Variants in BOK observed in about 807,000 individuals in gnomAD.
BOK encodes the protein BCL2 family apoptosis regulator BOK, also known as bcl-2-related ovarian killer protein.
In BOK, 20 loss-of-function variants were observed where a neutral mutation model predicts 18.3. The ratio of observed to expected loss-of-function variants is 1.09; its 90% CI spans 0.77 to 1.59. BOK has a LOEUF of 1.59. Ranked by LOEUF, BOK falls within the 40% of genes most tolerant of loss-of-function variation. The probability of loss-of-function intolerance (pLI) is 0.00; values close to 1 mark genes in which losing one functional copy is unlikely to be tolerated. For missense variants in BOK, 348 were observed against 307.9 expected, an observed-to-expected ratio of 1.13 and a Z score of -0.97; for synonymous variants, 173 against 142.4, an observed-to-expected ratio of 1.21 and a Z score of -1.53.
intron 1 of BOK, among the ~76,000 whole-genome samples, chr2:241,552,720 T>G (rs1286762964): frequency 6.6e-6 from 1 of 152,222 alleles, no homozygotes. Context: ...TGACAAGCTC[T>G]TCCTCAACGG....
intron 3 of BOK, 48 bp from the exon 4 acceptor site, chr2:241,570,077 C>G: frequency 6.3e-7 from 1 of 1,580,280 alleles, no homozygotes; most frequent in Non-Finnish European, 8.6e-7. Flanking sequence ...TTAAGTGCTC[C>G]CGTGGGCGGG....
rs536474018 is a variant in BOK, at chr2:241,561,174, C to T, written c.221-1174C>T. ...TCAGCTGGGATGGTCCGGTCAGCAG[C>T]ATTACCCTGTTTGCTTTGGCTGGAG... On this transcript the variant is annotated intron_variant, in intron 2 of 4. Transcript: ENST00000318407. Among the ~76,000 whole-genome samples, 20 of 152,316 alleles carry T rather than the reference C, an allele frequency of 1.3e-4. No homozygotes were observed. The East Asian group carries it at 3.3e-3, about 25-fold the overall frequency.
At chr2:241,552,472 G>A (rs2066421561) in intron 1 of BOK, among the ~76,000 whole-genome samples, 1 of 152,102 alleles carries the variant, frequency 6.6e-6, no homozygotes, top group Non-Finnish European at 1.5e-5. Context: ...TGCACATACT[G>A]ACAGCTCAGT....
intron 3 of BOK, among the ~76,000 whole-genome samples, chr2:241,565,156 C>T (rs1320312677): frequency 1.3e-5 from 2 of 152,114 alleles, no homozygotes; most frequent in Non-Finnish European, 2.9e-5. Flanking sequence ...ACTGGAAAAC[C>T]GGAGCCCACT....
intron 3 of BOK, among the ~76,000 whole-genome samples, chr2:241,569,509 G>A (rs7369408): frequency 0.2 from 30,649 of 152,176 alleles, 3,289 homozygotes; most frequent in Admixed American, 0.26. Context: ...AACATTTTTC[G>A]TGTCTCTTAT....
At chr2:241,552,408 G>T (rs775210637) in intron 1 of BOK, among the ~76,000 whole-genome samples, 5 of 152,098 alleles carry the variant, frequency 3.3e-5, no homozygotes, top group Non-Finnish European at 7.4e-5. Flanking sequence ...GCCTCTCCAC[G>T]CCGCGCCATG....
rs62191733 is a variant in BOK at position 241,562,013 on chromosome 2, C to T, written c.221-335C>T. On this transcript the variant is annotated intron_variant, in intron 2 of 4. Coordinates refer to ENST00000318407, the MANE Select transcript of BOK (RefSeq NM_032515.5). This position sits in a 1 kb window ranked among gnomAD's most constrained non-coding sequence, Gnocchi z 4.5. The stretch of plus-strand genomic sequence containing the variant: ...TGCTCTGGGCAGCTCGGCTGCCTGT[C>T]GGCTGTGAGTCACCAGCAGGCACGG... Among the ~76,000 whole-genome samples the T allele has an allele frequency of 6.5e-3, 986 of 152,346 alleles. 4 individuals carry two copies. The highest frequency in any genetic ancestry group is 0.011 in the Non-Finnish European group (764 of 68,028).
At chr2:241,567,890 GGAGGTC>G (rs2066640568) in intron 3 of BOK, among the ~76,000 whole-genome samples, 3 of 77,428 alleles carry the variant, frequency 3.9e-5, no homozygotes, top group Admixed American at 1.3e-4. Flanking sequence ...ACTAGTCTCA[GGAGGTC>G]TTTATCACCC....
intron 1 of BOK, among the ~76,000 whole-genome samples, chr2:241,552,392 C>G (rs1482185693): frequency 2.0e-5 from 3 of 152,202 alleles, no homozygotes; most frequent in African/African-American, 7.2e-5. Context: ...CCACCCAGTC[C>G]CTCTGGCCTC....
At chr2:241,558,139 T>C (rs2066469572), upstream of BOK, among the ~76,000 whole-genome samples, 1 of 151,544 alleles carries the variant, frequency 6.6e-6, no homozygotes, top group South Asian at 2.1e-4. Context: ...AAAAAAATGA[T>C]GCTTTTCAAT....
intron 3 of BOK, among the ~76,000 whole-genome samples, chr2:241,565,443 C>T (rs1408292993): frequency 6.6e-6 from 1 of 152,176 alleles, no homozygotes; most frequent in Non-Finnish European, 1.5e-5. Context: ...CCCCCTTCAC[C>T]TTTGTCCATC....
At chr2:241,552,957 C>G (rs2066424571) in intron 1 of BOK, among the ~76,000 whole-genome samples, 2 of 152,208 alleles carry the variant, frequency 1.3e-5, no homozygotes, top group South Asian at 4.1e-4. Flanking sequence ...CCACACAACC[C>G]TCTGCCTGGT....
chr2:241,571,583 G>T (rs2125056824), intron 4 of BOK, among the ~76,000 whole-genome samples: 1 of 152,316 alleles, frequency 6.6e-6, no homozygotes, highest in South Asian at 2.1e-4. Flanking sequence ...CCTCAGCACA[G>T]AAACCCCAAG....
chr2:241,560,151 G>A, intron 2 of BOK: 1 of 985,438 alleles, frequency 1.0e-6, no homozygotes, highest in South Asian at 4.7e-5. Context: ...TGGAAACTGC[G>A]CCCACCGGGC....
Position 241,559,532 on chromosome 2 carries a change from G to A in BOK, c.49G>A (p.Ala17Thr), listed in dbSNP as rs867110143. 6.6e-6 allele frequency: 10 copies of A among 1,517,586 alleles called. No homozygotes were observed. Among genetic ancestry groups the A allele is most frequent in the African/African-American group, 1.4e-5 (1 of 69,938 alleles). The allele number at this position is 1,517,586 out of a possible 1,614,324, so 94.0% of individuals were successfully genotyped here. Residue 17 changes from alanine (A) to threonine (T), a missense_variant, in exon 2 of 5, where the codon GCC (alanine) becomes ACC (threonine). Physicochemically the swap from Ala to Thr is moderately conservative, Grantham distance 58. Transcript: ENST00000318407. ...GGTCTTCGCCGCCGAGATCATGGAC[G>A]CCTTTGACCGCTCGCCCACAGACAA... is the stretch of plus-strand genomic sequence containing the variant. Reference protein sequence around the residue: ...SSVFAAEIMDAFDRSPTDKEL... With the variant: ...SSVFAAEIMDTFDRSPTDKEL...
chr2:241,571,817 C>T (rs144968287), intron 4 of BOK, among the ~76,000 whole-genome samples: 126 of 152,392 alleles, frequency 8.3e-4, no homozygotes, highest in African/African-American at 2.9e-3. Context: ...CTTCCGGAAA[C>T]GCAGTCCCTG....
intron 3 of BOK, 77 bp from the exon 4 acceptor site, chr2:241,570,046 CAG>C (rs763663822): frequency 1.7e-4 from 251 of 1,491,338 alleles, no homozygotes; most frequent in Middle Eastern, 4.1e-4. Flanking sequence ...GACAGCGGCT[CAG>C]AGAGGCCCAG....
chr2:241,562,551 C>A lies in BOK; in HGVS notation c.349+75C>A. 6.7e-7 allele frequency: 1 copy of A among 1,503,718 alleles called. No individual in the cohort carries two copies. Among genetic ancestry groups the A allele is most frequent in the Non-Finnish European group, 8.9e-7 (1 of 1,128,310 alleles). 93.1% of individuals were successfully genotyped at this position (1,503,718 alleles called of 1,614,324 possible). A position where few individuals can be genotyped will look rare whatever the true frequency, so the allele number is the denominator to read the frequency against. On this transcript the variant is annotated intron_variant, in intron 3 of 4. Transcript: ENST00000318407. The surrounding 1 kb of genome is among the most constrained non-coding windows in gnomAD (Gnocchi z 4.5). ...CTGTGGCTCAGGCTCACAGGGACCCCACGAGCTGGCCCCCACCCATCCTGG... is the reference window on the plus strand; with the variant it reads ...CTGTGGCTCAGGCTCACAGGGACCCAACGAGCTGGCCCCCACCCATCCTGG...
At chr2:241,555,314 G>A (rs1182930916), upstream of BOK, among the ~76,000 whole-genome samples, 1 of 151,986 alleles carries the variant, frequency 6.6e-6, no homozygotes, top group Non-Finnish European at 1.5e-5. Context: ...AGTCTCCCAA[G>A]GAGCTGGGAC....
Sources: allele counts gnomAD v4.1 joint callset (sites outside exome capture counted in the v4.1 genomes callset), GRCh38; gene constraint gnomAD v4.1.1; non-coding constraint Gnocchi (gnomAD v3.1); transcripts MANE v1.5; gene names NCBI Gene and HGNC (gene_info 2026-07-23, HGNC 2026-07-21).